Variants in OR10C1 observed in about 807,000 individuals in gnomAD.
OR10C1 encodes olfactory receptor family 10 subfamily C member 1.
For missense variants in OR10C1, 388 were observed against 392.1 expected, an observed-to-expected ratio of 0.99 and a Z score of 0.09; for synonymous variants, 183 against 174.4, an observed-to-expected ratio of 1.05 and a Z score of -0.39.
rs777985320 is a variant in OR10C1 at position 29,440,311 on chromosome 6, A to G, written c.296A>G (p.Gln99Arg). The G allele has an allele frequency of 1.9e-6, 3 of 1,614,022 alleles. No homozygotes were observed. Among genetic ancestry groups the G allele is most frequent in the Non-Finnish European group, 2.5e-6 (3 of 1,180,010 alleles). Residue 99 changes from glutamine (Q) to arginine (R), a missense_variant, in exon 1 of 1, where the codon CAG becomes CGG. By Grantham distance (43) the Gln-to-Arg change is conservative (BLOSUM62 1). Transcript: ENST00000444197. ...ATCTCTCGCTCTGGATGTGCTCTCC[A>G]GATGTTCTTCTTCCTCTTCTTTGGC... is the stretch of plus-strand genomic sequence containing the variant. The part of the protein sequence containing the change: ...RHISRSGCAL[Q>R]MFFFLFFGAT...
Position 29,440,226 on chromosome 6 carries a change from G to A in OR10C1, c.211G>A (p.Gly71Ser). 1 of 1,613,940 alleles carries A rather than the reference G, an allele frequency of 6.2e-7. No individual in the cohort carries two copies. The highest frequency in any genetic ancestry group is 1.1e-5 in the South Asian group (1 of 91,076). Residue 71 changes from glycine (G) to serine (S), a missense_variant, in exon 1 of 1, where the codon GGC (glycine) becomes AGC (serine). Transcript: ENST00000444197. ...FLRTLSALEIGYTSVTVPLLL... is the reference protein window; with the variant it reads ...FLRTLSALEISYTSVTVPLLL... The stretch of plus-strand genomic sequence containing the variant: ...GCGCACCCTCTCGGCCTTGGAGATT[G>A]GCTATACGTCTGTCACGGTCCCCCT...
rs1369359433 is a variant in OR10C1, at chr6:29,439,832, AG to A, written c.-181del. ...TCATCCAGGATCCCAAGAGTGAGCA[AG>A]GGTGGAATATGGACTCCAGGCAAGG... is the stretch of plus-strand genomic sequence containing the variant. On this transcript the variant is annotated 5_prime_UTR_variant, in exon 1 of 1. It removes the in-frame stop codon of an upstream open reading frame in the 5' UTR. Transcript: ENST00000444197. 2 of 601,006 alleles carry A rather than the reference AG, an allele frequency of 3.3e-6. No individual in the cohort carries two copies. The highest frequency in any genetic ancestry group is 1.9e-5 in the African/African-American group (1 of 53,906). 37.2% of individuals were successfully genotyped at this position (601,006 alleles called of 1,614,324 possible).
In OR10C1 at chr6:29,440,499, ATCT is replaced by A. The variant is rs1422576331; in HGVS notation, c.488_490del (p.Phe163del). ...GGTGGGGCTGGGCCACACCCCTTTC[ATCT>A]TCTCTTTGCCCTTCTGCGGCCCCAA... is the stretch of plus-strand genomic sequence containing the variant. On this transcript the variant is annotated inframe_deletion, in exon 1 of 1. Transcript: ENST00000444197. 1 of 1,613,472 alleles carries A rather than the reference ATCT, an allele frequency of 6.2e-7. No individual in the cohort carries two copies. The highest frequency in any genetic ancestry group is 1.7e-5 in the Admixed American group (1 of 60,012).
Position 29,440,740 on chromosome 6 carries a change from C to G in OR10C1, c.725C>G (p.Ser242Cys). 1 of 1,613,954 alleles carries G rather than the reference C, an allele frequency of 6.2e-7. No individual in the cohort carries two copies. Among genetic ancestry groups the G allele is most frequent in the Non-Finnish European group, 8.5e-7 (1 of 1,179,822 alleles). Residue 242 changes from serine (S) to cysteine (C), a missense_variant, in exon 1 of 1, where the codon TCC becomes TGC. Physicochemically the swap from Ser to Cys is moderately radical, Grantham distance 112 (BLOSUM62 -1). Coordinates refer to ENST00000444197, the MANE Select transcript of OR10C1 (RefSeq NM_013941.4). ...CGCAAGGCCTTCTCCACCTGCTCCTCCCACCTGATCATGGTCTCCCTCTTC... is the reference window on the plus strand; with the variant it reads ...CGCAAGGCCTTCTCCACCTGCTCCTGCCACCTGATCATGGTCTCCCTCTTC... ...GRRKAFSTCS[S>C]HLIMVSLFYG...
chr6:29,440,962 G>T lies in OR10C1; in HGVS notation c.*8G>T, dbSNP rs769040034. The stretch of plus-strand genomic sequence containing the variant: ...GTGCCTATGGAGATTTGAAAAGGGG[G>T]CGATAGTGACTTCTGTGCAGTGCTC... On this transcript the variant is annotated 3_prime_UTR_variant, in exon 1 of 1. Transcript: ENST00000444197. 2 of 1,574,528 alleles carry T rather than the reference G, an allele frequency of 1.3e-6. No homozygotes were observed. Among genetic ancestry groups the T allele is most frequent in the Non-Finnish European group, 8.7e-7 (1 of 1,152,236 alleles).
Position 29,440,778 on chromosome 6 carries a change from C to A in OR10C1, c.763C>A (p.Leu255Ile), listed in dbSNP as rs17177674. The change falls in exon 1 of 1, where the codon CTC (leucine) becomes ATC (isoleucine). Residue 255 changes from leucine (L) to isoleucine (I), a missense_variant. By Grantham distance (5) the Leu-to-Ile change is conservative. Transcript: ENST00000444197. Reference protein sequence around the residue: ...IMVSLFYGTALFIYIRPKASY... With the variant: ...IMVSLFYGTAIFIYIRPKASY... ...GGTCTCCCTCTTCTATGGCACCGCA[C>A]TCTTTATCTATATTCGCCCTAAGGC... is the stretch of plus-strand genomic sequence containing the variant. The A allele has an allele frequency of 0.023, 37,036 of 1,613,836 alleles. 1,172 individuals are homozygous for A. Among genetic ancestry groups the A allele is most frequent in the African/African-American group, 0.12 (9,248 of 75,008 alleles).
rs1468203107 is a variant in OR10C1, at chr6:29,440,844, T to C, written c.829T>C (p.Tyr277His). The change falls in exon 1 of 1, where the codon TAT becomes CAT. Residue 277 changes from tyrosine (Y) to histidine (H), a missense_variant. By Grantham distance (83) the Tyr-to-His change is moderately conservative. Transcript: ENST00000444197. Reference protein sequence around the residue: ...PATDPLVSLFYAVVTPILNPI... With the variant: ...PATDPLVSLFHAVVTPILNPI... ...CACTGACCCTCTGGTGTCCCTCTTC[T>C]ATGCTGTGGTCACCCCCATCCTCAA... is the stretch of plus-strand genomic sequence containing the variant. 1 of 1,613,956 alleles carries C rather than the reference T, an allele frequency of 6.2e-7. No homozygotes were observed. Among genetic ancestry groups the C allele is most frequent in the South Asian group, 1.1e-5 (1 of 91,088 alleles).
Position 29,440,071 on chromosome 6 carries a change from T to G in OR10C1, c.56T>G (p.Leu19Arg). ...TTTCTTCTTCTCGGCTTCTCCCACC[T>G]GGCCGACCTCCAGGGCTTGCTCTTC... ...TEFLLLGFSH[L>R]ADLQGLLFSV... Residue 19 changes from leucine (L) to arginine (R), a missense_variant, in exon 1 of 1, where the codon CTG (leucine) becomes CGG (arginine). Physicochemically the swap from Leu to Arg is moderately radical, Grantham distance 102. Transcript: ENST00000444197. 6.2e-7 allele frequency: 1 copy of G among 1,613,236 alleles called. No homozygotes were observed. The highest frequency in any genetic ancestry group is 8.5e-7 in the Non-Finnish European group (1 of 1,180,044).
chr6:29,440,304 G>A lies in OR10C1; in HGVS notation c.289G>A (p.Ala97Thr). ...GCGCCACATCTCTCGCTCTGGATGT[G>A]CTCTCCAGATGTTCTTCTTCCTCTT... ...GRRHISRSGC[A>T]LQMFFFLFFG... The change falls in exon 1 of 1, where the codon GCT becomes ACT. Residue 97 changes from alanine (A) to threonine (T), a missense_variant. Physicochemically the swap from Ala to Thr is moderately conservative, Grantham distance 58. Transcript: ENST00000444197. The A allele has an allele frequency of 1.2e-6, 2 of 1,614,054 alleles. No homozygotes were observed. The highest frequency in any genetic ancestry group is 1.7e-6 in the Non-Finnish European group (2 of 1,180,040).
In OR10C1 at chr6:29,439,912, C is replaced by T. The variant is rs1311395580; in HGVS notation, c.-104C>T. ...TAATAGAAAGGGAGATCTAGTGCTG[C>T]GATCAGATGCAGAGAGAGGTCATCT... is the stretch of plus-strand genomic sequence containing the variant. On this transcript the variant is annotated 5_prime_UTR_variant, in exon 1 of 1. Transcript: ENST00000444197. The T allele has an allele frequency of 1.7e-5, 14 of 814,926 alleles. No individual in the cohort carries two copies. Among genetic ancestry groups the T allele is most frequent in the Non-Finnish European group, 2.6e-5 (13 of 502,740 alleles). The allele number at this position is 814,926 out of a possible 1,614,324, so 50.5% of individuals were successfully genotyped here.
At position 29,440,298 on chromosome 6, in the gene OR10C1, G is replaced by C; in HGVS notation, c.283G>C (p.Gly95Arg). Residue 95 changes from glycine to arginine, a missense_variant, in exon 1 of 1, where the codon GGA becomes CGA. Transcript: ENST00000444197. ...TGGCCGGCGCCACATCTCTCGCTCT[G>C]GATGTGCTCTCCAGATGTTCTTCTT... ...LTGRRHISRS[G>R]CALQMFFFLF... 6.2e-7 allele frequency: 1 copy of C among 1,614,036 alleles called. No homozygotes were observed. Among genetic ancestry groups the C allele is most frequent in the South Asian group, 1.1e-5 (1 of 91,072 alleles).
chr6:29,439,915 T>A lies in OR10C1; in HGVS notation c.-101T>A. The A allele has an allele frequency of 2.4e-6, 2 of 836,796 alleles. No individual in the cohort carries two copies. Among genetic ancestry groups the A allele is most frequent in the Admixed American group, 2.4e-5 (1 of 42,306 alleles). 51.8% of individuals were successfully genotyped at this position (836,796 alleles called of 1,614,324 possible). A position where few individuals can be genotyped will look rare whatever the true frequency, so the allele number is the denominator to read the frequency against. ...TAGAAAGGGAGATCTAGTGCTGCGA[T>A]CAGATGCAGAGAGAGGTCATCTTTG... On this transcript the variant is annotated 5_prime_UTR_variant, in exon 1 of 1. Coordinates refer to ENST00000444197, the MANE Select transcript of OR10C1 (RefSeq NM_013941.4).
rs759033840 is a variant in OR10C1, at chr6:29,440,907, G to A, written c.892G>A (p.Ala298Thr). Residue 298 changes from alanine (A) to threonine (T), a missense_variant, in exon 1 of 1, where the codon GCT (alanine) becomes ACT (threonine). Coordinates refer to ENST00000444197, the MANE Select transcript of OR10C1 (RefSeq NM_013941.4). ...CAGCCTGCGGAACACAGAGGTCAAA[G>A]CTGCCCTAAAGAGAACCATCCAGAA... The part of the protein sequence containing the change: ...IYSLRNTEVK[A>T]ALKRTIQKTV... The A allele has an allele frequency of 1.2e-6, 2 of 1,613,530 alleles. No homozygotes were observed. Among genetic ancestry groups the A allele is most frequent in the Admixed American group, 1.7e-5 (1 of 60,024 alleles).
At position 29,439,894 on chromosome 6, in the gene OR10C1, A is replaced by T. The variant is rs569368117; in HGVS notation, c.-122A>T. The T allele has an allele frequency of 2.8e-6, 2 of 718,290 alleles. No individual in the cohort carries two copies. Among genetic ancestry groups the T allele is most frequent in the African/African-American group, 3.5e-5 (2 of 56,434 alleles). 44.5% of individuals were successfully genotyped at this position (718,290 alleles called of 1,614,324 possible). ...TCAAAGTCCATGATATTCTAATAGA[A>T]AGGGAGATCTAGTGCTGCGATCAGA... On this transcript the variant is annotated 5_prime_UTR_variant, in exon 1 of 1. Transcript: ENST00000444197.
rs1319503188 is a variant in OR10C1, at chr6:29,439,423, A to G, written c.-593A>G. 6.6e-6 allele frequency: 1 copy of G among 152,360 alleles called. No individual in the cohort carries two copies. The highest frequency in any genetic ancestry group is 6.5e-5 in the Admixed American group (1 of 15,278). The allele number at this position is 152,360 out of a possible 1,614,324, so 9.4% of individuals were successfully genotyped here. A position where few individuals can be genotyped will look rare whatever the true frequency, so the allele number is the denominator to read the frequency against. ...TTTAATGCTATAGGAGCTTAAAAAG[A>G]GAGGATCTTTCTCATTTTTTTTCTC... On this transcript the variant is annotated 5_prime_UTR_variant, in exon 1 of 1. Coordinates refer to ENST00000444197, the MANE Select transcript of OR10C1 (RefSeq NM_013941.4).
rs765131882 is a variant in OR10C1, at chr6:29,440,055, C to T, written c.40C>T (p.Leu14Phe). 2.5e-6 allele frequency: 4 copies of T among 1,613,174 alleles called. No individual in the cohort carries two copies. The East Asian group carries it at 8.9e-5, about 36-fold the overall frequency. Residue 14 changes from leucine (L) to phenylalanine (F), a missense_variant, in exon 1 of 1, where the codon CTC (leucine) becomes TTC (phenylalanine). Physicochemically the swap from Leu to Phe is conservative, Grantham distance 22 (BLOSUM62 0). Coordinates refer to ENST00000444197, the MANE Select transcript of OR10C1 (RefSeq NM_013941.4). ...CTCCATGGTGACTGAGTTTCTTCTTCTCGGCTTCTCCCACCTGGCCGACCT... is the reference window on the plus strand; with the variant it reads ...CTCCATGGTGACTGAGTTTCTTCTTTTCGGCTTCTCCCACCTGGCCGACCT... ...NTSMVTEFLL[L>F]GFSHLADLQG... is the part of the protein sequence containing the mutation.
rs753369319 is a variant in OR10C1, at chr6:29,440,964, G to A, written c.*10G>A. 16 of 1,558,510 alleles carry A rather than the reference G, an allele frequency of 1.0e-5. No individual in the cohort carries two copies. Among genetic ancestry groups the A allele is most frequent in the Admixed American group, 1.7e-5 (1 of 59,704 alleles). On this transcript the variant is annotated 3_prime_UTR_variant, in exon 1 of 1. Coordinates refer to ENST00000444197, the MANE Select transcript of OR10C1 (RefSeq NM_013941.4). ...GCCTATGGAGATTTGAAAAGGGGGC[G>A]ATAGTGACTTCTGTGCAGTGCTCTG...
rs1358295170 is a variant in OR10C1 at position 29,440,793 on chromosome 6, C to T, written c.778C>T (p.Arg260Cys). 6 of 1,614,088 alleles carry T rather than the reference C, an allele frequency of 3.7e-6. No homozygotes were observed. The highest frequency in any genetic ancestry group is 3.3e-5 in the Admixed American group (2 of 60,032). Residue 260 changes from arginine (R) to cysteine (C), a missense_variant, in exon 1 of 1, where the codon CGC becomes TGC. Coordinates refer to ENST00000444197, the MANE Select transcript of OR10C1 (RefSeq NM_013941.4). ...TGGCACCGCACTCTTTATCTATATT[C>T]GCCCTAAGGCCAGCTACGATCCGGC... Reference protein sequence around the residue: ...FYGTALFIYIRPKASYDPATD... With the variant: ...FYGTALFIYICPKASYDPATD...
Position 29,440,504 on chromosome 6 carries a change from C to G in OR10C1, c.489C>G (p.Phe163Leu), listed in dbSNP as rs763589257. The G allele has an allele frequency of 1.2e-6, 2 of 1,613,702 alleles. No homozygotes were observed. Among genetic ancestry groups the G allele is most frequent in the Non-Finnish European group, 8.5e-7 (1 of 1,180,000 alleles). Residue 163 changes from phenylalanine (F) to leucine (L), a missense_variant, in exon 1 of 1, where the codon TTC becomes TTG. Phe to Leu is a conservative substitution (Grantham distance 22, BLOSUM62 0). Transcript: ENST00000444197. ...GGCTGGGCCACACCCCTTTCATCTTCTCTTTGCCCTTCTGCGGCCCCAATA... is the reference window on the plus strand; with the variant it reads ...GGCTGGGCCACACCCCTTTCATCTTGTCTTTGCCCTTCTGCGGCCCCAATA... ...LVGLGHTPFI[F>L]SLPFCGPNTI...
Sources: allele counts gnomAD v4.1 joint callset, GRCh38; gene constraint gnomAD v4.1.1; transcripts MANE v1.5; gene names NCBI Gene and HGNC (gene_info 2026-07-23, HGNC 2026-07-21).